SAMD4B: variants seen among roughly 807,000 people sequenced by gnomAD.
The protein encoded by SAMD4B is protein Smaug homolog 2.
SAMD4B carries 5 observed loss-of-function variants against 74.5 expected under a neutral mutation model. The ratio of observed to expected loss-of-function variants is 0.07; its 90% CI spans 0.04 to 0.14. The LOEUF (loss-of-function observed/expected upper bound fraction) is 0.14. Among genes scored for constraint, SAMD4B ranks in the 10% least tolerant of loss-of-function variants. The pLI, the probability that SAMD4B is intolerant of heterozygous loss-of-function variation, is 1.00. For synonymous variants in SAMD4B, 373 were observed against 374.9 expected, an observed-to-expected ratio of 1.00 and a Z score of 0.06; for missense variants, 608 against 921.8, an observed-to-expected ratio of 0.66 and a Z score of 4.41.
chr19:39,360,197 A>AG (rs2145483057), intron 3 of SAMD4B: 1 of 152,004 alleles, frequency 6.6e-6, no homozygotes, highest in African/African-American at 2.4e-5. Flanking sequence ...AAAAAAAAAA[A>AG]ATAAAAAAAT....
At chr19:39,351,209 C>A (rs2076021646) in intron 1 of SAMD4B, 1 of 152,316 alleles carries the variant, frequency 6.6e-6, no homozygotes, top group Non-Finnish European at 1.5e-5. Flanking sequence ...GTCTCGAGCT[C>A]CTGAGCTCAA....
rs771976140 is a variant in SAMD4B, at chr19:39,356,941, C to G, written c.48C>G (p.Gly16=). 3.1e-6 allele frequency: 5 copies of G among 1,613,840 alleles called. 1 individual carries two copies. Among genetic ancestry groups the G allele is most frequent in the Non-Finnish European group, 4.2e-6 (5 of 1,179,884 alleles). ...GCATCCTCGCTGGCTGGTTCAAAGG[C>G]TGGAATGAGTGTGAGCAGACAGTGG... ...QVGILAGWFK[G]WNECEQTVAL... Residue 16 remains glycine (G), a synonymous_variant, in exon 3 of 14, where the codon GGC becomes GGG. Transcript: ENST00000610417.
intron 1 of SAMD4B, chr19:39,348,456 CAG>C (rs1455024748): frequency 6.6e-6 from 1 of 152,158 alleles, no homozygotes; most frequent in Non-Finnish European, 1.5e-5. Context: ...GCATTTCAGG[CAG>C]AGAGGTCAGC....
intron 1 of SAMD4B, among the ~76,000 whole-genome samples, chr19:39,346,741 G>T (rs2075726731): frequency 6.6e-6 from 1 of 152,104 alleles, no homozygotes; most frequent in Non-Finnish European, 1.5e-5. Flanking sequence ...GCTGCAATGG[G>T]GCAGTAGTTG....
chr19:39,347,098 G>A (rs1248437457), intron 1 of SAMD4B, among the ~76,000 whole-genome samples: 1 of 152,192 alleles, frequency 6.6e-6, no homozygotes, highest in African/African-American at 2.4e-5. Context: ...TTACTGGAAA[G>A]TCCAGAGCTA....
At chr19:39,344,178 C>G (rs985852877) in intron 1 of SAMD4B, among the ~76,000 whole-genome samples, 1 of 150,884 alleles carries the variant, frequency 6.6e-6, no homozygotes, top group Non-Finnish European at 1.5e-5. Flanking sequence ...CCTAAATCCT[C>G]TAGAATCCCT....
rs2077197172 is a variant in SAMD4B at position 39,370,105 on chromosome 19, T to C, written c.647T>C (p.Ile216Thr). Residue 216 changes from isoleucine to threonine, a missense_variant, in exon 4 of 14, where the codon ATT becomes ACT. By Grantham distance (89) the Ile-to-Thr change is moderately conservative (BLOSUM62 -1). This residue lies in a region of SAMD4B where 153 missense variants were observed against 153.0 expected (regional missense o/e 1.00). Coordinates refer to ENST00000610417, the MANE Select transcript of SAMD4B (RefSeq NM_001384574.2). ...SSSVPPAINS[I>T]GSNANTGLPC... Reference sequence around the variant, plus strand: ...TCAGTGCCGCCAGCCATCAACAGTATTGGGAGCAATGCAAACACAGGTAAG... The same window carrying C: ...TCAGTGCCGCCAGCCATCAACAGTACTGGGAGCAATGCAAACACAGGTAAG... The C allele has an allele frequency of 1.9e-6, 3 of 1,596,334 alleles. No individual in the cohort carries two copies. The highest frequency in any genetic ancestry group is 2.6e-6 in the Non-Finnish European group (3 of 1,171,622).
Position 39,378,471 on chromosome 19 carries a change from G to A in SAMD4B, c.1445-33G>A. The A allele has an allele frequency of 6.2e-7, 1 of 1,601,894 alleles. No individual in the cohort carries two copies. The highest frequency in any genetic ancestry group is 8.6e-7 in the Non-Finnish European group (1 of 1,169,448). On this transcript the variant is annotated intron_variant, in intron 8 of 13. Transcript: ENST00000610417. This position sits in a 1 kb window ranked among gnomAD's most constrained non-coding sequence, Gnocchi z 4.4. ...GAACATGGCAGAGGGCATACTAGGGGTTAACCTCCTGCCCTTTCTCATGTC... is the reference window on the plus strand; with the variant it reads ...GAACATGGCAGAGGGCATACTAGGGATTAACCTCCTGCCCTTTCTCATGTC...
At chr19:39,362,305 C>T (rs923749689) in intron 3 of SAMD4B, among the ~76,000 whole-genome samples, 4 of 152,146 alleles carry the variant, frequency 2.6e-5, no homozygotes, top group Middle Eastern at 3.2e-3. Context: ...TTGATGCTGA[C>T]GCTGATTTTG....
chr19:39,364,262 C>T, intron 3 of SAMD4B, among the ~76,000 whole-genome samples: 1 of 152,220 alleles, frequency 6.6e-6, no homozygotes, highest in Non-Finnish European at 1.5e-5. Context: ...CTAGACAAGG[C>T]TTCTCTCTGT....
chr19:39,381,139 T>A (rs771344339), intron 12 of SAMD4B, 26 bp downstream of exon 12: 1 of 1,564,756 alleles, frequency 6.4e-7, no homozygotes, highest in Admixed American at 1.9e-5. Flanking sequence ...CTTGGGACTC[T>A]GCCTGGCCAA....
chr19:39,365,574 A>G (rs1231795799), intron 3 of SAMD4B, among the ~76,000 whole-genome samples: 1 of 152,100 alleles, frequency 6.6e-6, no homozygotes, highest in African/African-American at 2.4e-5. Flanking sequence ...AAATGGAGGC[A>G]CACAGAGCCT....
chr19:39,360,076 C>G (rs2076560045), intron 3 of SAMD4B: 1 of 151,506 alleles, frequency 6.6e-6, no homozygotes, highest in African/African-American at 2.4e-5. Context: ...GTCCTAGCTA[C>G]TCGGGAGGCT....
chr19:39,360,674 A>G (rs1054700176), intron 3 of SAMD4B, among the ~76,000 whole-genome samples: 3 of 152,144 alleles, frequency 2.0e-5, no homozygotes, highest in Non-Finnish European at 4.4e-5. Context: ...CTTATTTGTA[A>G]AGGAAGGTGC....
intron 1 of SAMD4B, among the ~76,000 whole-genome samples, chr19:39,348,555 A>G (rs8102889): frequency 0.028 from 4,311 of 152,306 alleles, 97 homozygotes; most frequent in African/African-American, 0.063. Context: ...GAGGGTTGGA[A>G]AGGCTGACAG....
At chr19:39,343,244 A>G (rs1258514177) in intron 1 of SAMD4B, among the ~76,000 whole-genome samples, 1 of 150,924 alleles carries the variant, frequency 6.6e-6, no homozygotes, top group East Asian at 2.0e-4. Context: ...CCGGATCCTA[A>G]GAATTTTCCC....
At chr19:39,386,501 C>G, downstream of SAMD4B, 1 of 1,614,168 alleles carries the variant, frequency 6.2e-7, no homozygotes, top group Non-Finnish European at 8.5e-7. The surrounding 1 kb of genome is among the most constrained non-coding windows in gnomAD (Gnocchi z 6.1). Context: ...CAGCTTCTTT[C>G]TCTTCTGTCT....
chr19:39,385,620 G>A lies in SAMD4B; in HGVS notation c.*2093G>A. The A allele has an allele frequency of 1.9e-6, 1 of 513,030 alleles. No individual in the cohort carries two copies. The highest frequency in any genetic ancestry group is 3.4e-6 in the Non-Finnish European group (1 of 293,842). The allele number at this position is 513,030 out of a possible 1,614,324, so 31.8% of individuals were successfully genotyped here. Reference sequence around the variant, plus strand: ...CTGTACAGTTTTTCTCGCTGTTGGAGAAGACTTATTTGTTGGAGTTTCACT... The same window carrying A: ...CTGTACAGTTTTTCTCGCTGTTGGAAAAGACTTATTTGTTGGAGTTTCACT... On this transcript the variant is annotated 3_prime_UTR_variant, in exon 14 of 14. Coordinates refer to ENST00000610417, the MANE Select transcript of SAMD4B (RefSeq NM_001384574.2).
intron 3 of SAMD4B, among the ~76,000 whole-genome samples, chr19:39,361,720 G>T (rs1275177205): frequency 6.6e-6 from 1 of 151,854 alleles, no homozygotes; most frequent in Admixed American, 6.6e-5. Context: ...TCAGGAGATG[G>T]AGACCATCCT....
Sources: gnomAD v4.1 joint callset for allele counts (sites outside exome capture counted in the v4.1 genomes callset) on GRCh38, gnomAD v4.1.1 for gene constraint, gnomAD v4.1.1 regional missense constraint, Gnocchi (gnomAD v3.1) non-coding constraint, MANE v1.5 for transcripts, NCBI Gene and HGNC (gene_info 2026-07-23, HGNC 2026-07-21) for gene names.